SCNN1B: variants seen among roughly 807,000 people sequenced by gnomAD.
SCNN1B encodes the protein sodium channel epithelial 1 subunit beta, also known as epithelial sodium channel subunit beta.
SCNN1B carries 46 observed loss-of-function variants against 65.3 expected under a neutral mutation model. The observed-to-expected ratio is 0.70, with a 90% CI of 0.56 to 0.90. SCNN1B has a LOEUF of 0.90. Among genes scored for constraint, SCNN1B ranks in the 40% least tolerant of loss-of-function variants. The pLI is 0.00. For missense variants in SCNN1B, 751 were observed against 830.5 expected, an observed-to-expected ratio of 0.90 and a Z score of 1.18; for synonymous variants, 349 against 330.6, an observed-to-expected ratio of 1.06 and a Z score of -0.60.
rs72654343 is a variant in SCNN1B at position 23,371,925 on chromosome 16, C to T, written c.1152+42C>T. The T allele has an allele frequency of 7.3e-4, 1,032 of 1,417,202 alleles. 1 individual carries two copies. The highest frequency in any genetic ancestry group is 9.5e-4 in the Non-Finnish European group (952 of 1,000,458). The allele number at this position is 1,417,202 out of a possible 1,614,324, so 87.8% of individuals were successfully genotyped here. On this transcript the variant is annotated intron_variant, in intron 7 of 12. Coordinates refer to ENST00000343070, the MANE Select transcript of SCNN1B (RefSeq NM_000336.3). The stretch of plus-strand genomic sequence containing the variant: ...CGCCTCATGCCCCGGGGCCCCTGTC[C>T]GGGTTTATGGGGCCAAGGCCTCAGT...
intron 7 of SCNN1B, among the ~76,000 whole-genome samples, chr16:23,373,889 A>C (rs965859298): frequency 6.6e-5 from 10 of 152,214 alleles, no homozygotes; most frequent in Non-Finnish European, 1.5e-4. Context: ...AGAAGGTACC[A>C]GCCCCAGAAA....
chr16:23,303,125 A>G (rs1287609125), intron 1 of SCNN1B, among the ~76,000 whole-genome samples: 4 of 152,172 alleles, frequency 2.6e-5, no homozygotes, highest in Admixed American at 1.3e-4. Flanking sequence ...TGATGTCTGG[A>G]CAATGTCATA....
chr16:23,316,581 TCACCATCTTCACC>T (rs1961472048), intron 1 of SCNN1B, among the ~76,000 whole-genome samples: 1 of 126,138 alleles, frequency 7.9e-6, no homozygotes, highest in African/African-American at 5.1e-5. Flanking sequence ...ATCACCACCA[TCACCATCTTCACC>T]ACCATCACCA....
upstream of SCNN1B, among the ~76,000 whole-genome samples, chr16:23,301,219 G>A (rs970157975): frequency 6.6e-6 from 1 of 151,862 alleles, no homozygotes; most frequent in Non-Finnish European, 1.5e-5. Flanking sequence ...CAAATTAGCC[G>A]GGCATGGTGG....
chr16:23,278,379 A>G (rs1052497250), intron 1 of SCNN1B: 3 of 152,182 alleles, frequency 2.0e-5, no homozygotes, highest in South Asian at 2.1e-4. Context: ...TGTGGTGCCT[A>G]TGGGACATTT....
intron 4 of SCNN1B, among the ~76,000 whole-genome samples, chr16:23,365,595 A>AG (rs1567313693): frequency 1.7e-5 from 1 of 58,398 alleles, no homozygotes; most frequent in East Asian, 1.2e-3. Flanking sequence ...AAGAGAAAGA[A>AG]AGAAAGAAAG....
intron 1 of SCNN1B, among the ~76,000 whole-genome samples, chr16:23,333,459 AC>A (rs553611897): frequency 3.9e-4 from 59 of 152,278 alleles, no homozygotes; most frequent in African/African-American, 1.3e-3. Context: ...AGTTCCAACC[AC>A]CCATGGTAAA....
At chr16:23,344,150 G>A (rs1314938183) in intron 1 of SCNN1B, among the ~76,000 whole-genome samples, 1 of 152,124 alleles carries the variant, frequency 6.6e-6, no homozygotes, top group East Asian at 1.9e-4. Context: ...GCACGTTTAT[G>A]AACATAAAGC....
chr16:23,364,842 T>C (rs1363395758), intron 4 of SCNN1B, among the ~76,000 whole-genome samples: 2 of 151,690 alleles, frequency 1.3e-5, no homozygotes, highest in Admixed American at 6.6e-5. Flanking sequence ...ATACAAAAAT[T>C]AGGCCAGGCA....
intron 2 of SCNN1B, among the ~76,000 whole-genome samples, chr16:23,349,795 T>C (rs1259129355): frequency 6.6e-6 from 1 of 152,056 alleles, no homozygotes; most frequent in Non-Finnish European, 1.5e-5. Context: ...ATCATTATGA[T>C]GATAAAAAAT....
intron 1 of SCNN1B, among the ~76,000 whole-genome samples, chr16:23,321,803 G>T (rs1231622665): frequency 1.3e-5 from 2 of 152,074 alleles, no homozygotes; most frequent in Admixed American, 1.3e-4. Flanking sequence ...CAAGAGAATC[G>T]CTTGAGTCCA....
intron 4 of SCNN1B, among the ~76,000 whole-genome samples, chr16:23,365,655 G>T (rs1041659497): frequency 6.6e-6 from 1 of 151,844 alleles, no homozygotes; most frequent in Non-Finnish European, 1.5e-5. Flanking sequence ...GGAGAGGGGG[G>T]TTGATAGGAT....
intron 1 of SCNN1B, among the ~76,000 whole-genome samples, chr16:23,332,170 A>G (rs1442100232): frequency 6.6e-6 from 1 of 150,876 alleles, no homozygotes; most frequent in East Asian, 1.9e-4. Flanking sequence ...CTGGGACCAC[A>G]GGCACATGCC....
At chr16:23,284,478 A>G (rs924810326) in intron 2 of SCNN1B, among the ~76,000 whole-genome samples, 1 of 152,210 alleles carries the variant, frequency 6.6e-6, no homozygotes, top group African/African-American at 2.4e-5. Context: ...CTAAGATCAA[A>G]CAGGTCAACA....
At chr16:23,327,406 G>A (rs578200866) in intron 1 of SCNN1B, among the ~76,000 whole-genome samples, 6 of 152,006 alleles carry the variant, frequency 3.9e-5, no homozygotes, top group Admixed American at 1.3e-4. Flanking sequence ...GGTGGTGCAC[G>A]CCTGTAATCC....
Position 23,352,894 on chromosome 16 carries a change from T to C in SCNN1B, c.405T>C (p.Asn135=). ...RILAPELSHA[N]ATRNLNFSIW... ...TGGCTCCTGAGCTAAGCCATGCCAA[T>C]GCCACCAGGAACCTGAACTTCTCCA... is the stretch of plus-strand genomic sequence containing the variant. The change falls in exon 3 of 13, where the codon AAT becomes AAC. Residue 135 remains asparagine, a synonymous_variant. Transcript: ENST00000343070. 6.2e-7 allele frequency: 1 copy of C among 1,614,176 alleles called. No individual in the cohort carries two copies. The highest frequency in any genetic ancestry group is 2.2e-5 in the East Asian group (1 of 44,886).
intron 1 of SCNN1B, among the ~76,000 whole-genome samples, chr16:23,305,561 T>A (rs1186158986): frequency 0.16 from 10,483 of 67,336 alleles, 1,425 homozygotes; most frequent in African/African-American, 0.17. Context: ...TATATATATA[T>A]ATATATATAT....
upstream of SCNN1B, among the ~76,000 whole-genome samples, chr16:23,297,600 C>A (rs566565240): frequency 1.3e-5 from 2 of 152,280 alleles, no homozygotes; most frequent in South Asian, 4.1e-4. Flanking sequence ...TATAGCTCCC[C>A]ATCTGAACAA....
intron 2 of SCNN1B, among the ~76,000 whole-genome samples, chr16:23,294,962 CA>C (rs1960975488): frequency 6.6e-6 from 1 of 152,130 alleles, no homozygotes; most frequent in East Asian, 1.9e-4. Flanking sequence ...TGCTGCACTC[CA>C]GCCTGGGTGA....
Sources: allele counts gnomAD v4.1 joint callset (sites outside exome capture counted in the v4.1 genomes callset), GRCh38; gene constraint gnomAD v4.1.1; transcripts MANE v1.5; gene names NCBI Gene and HGNC (gene_info 2026-07-23, HGNC 2026-07-21).